The following TAOK1 variants were observed in gnomAD, a reference collection of about 807,000 sequenced individuals.
The protein encoded by TAOK1 is TAO kinase 1.
Under a neutral mutation model 138.3 loss-of-function variants are expected in TAOK1, and 21 were observed. The ratio of observed to expected loss-of-function variants is 0.15; its 90% CI spans 0.11 to 0.22. TAOK1 has a LOEUF of 0.22. Among genes scored for constraint, TAOK1 ranks in the 10% least tolerant of loss-of-function variants. The pLI is 1.00. For missense variants in TAOK1, 651 were observed against 1,227.7 expected (o/e 0.53, Z 7.02); for synonymous variants, 361 against 398.4 (o/e 0.91, Z 1.12).
At chr17:29,409,328 TATATA>T (rs1293581752) in intron 1 of TAOK1, among the ~76,000 whole-genome samples, 852 of 75,096 alleles carry the variant, frequency 0.011, 6 homozygotes, top group African/African-American at 0.027. Flanking sequence ...TATATATATA[TATATA>T]TTTTTTTTTT....
intron 17 of TAOK1, among the ~76,000 whole-genome samples, chr17:29,525,858 A>G (rs974428973): frequency 1.3e-5 from 2 of 152,176 alleles, no homozygotes; most frequent in African/African-American, 4.8e-5. Flanking sequence ...TTACCCAGGC[A>G]TGGTGGCACG....
chr17:29,447,438 C>G (rs1253507246), intron 1 of TAOK1, among the ~76,000 whole-genome samples: 2 of 152,080 alleles, frequency 1.3e-5, no homozygotes, highest in Non-Finnish European at 2.9e-5. Flanking sequence ...TCAAGCAATT[C>G]TCCCACCTCA....
At chr17:29,478,186 T>C in intron 5 of TAOK1, 65 bp from the exon 6 acceptor site, 1 of 1,190,614 alleles carries the variant, frequency 8.4e-7, no homozygotes, top group Non-Finnish European at 1.2e-6. Context: ...TTGCCCCATG[T>C]ATTAGATATG....
At chr17:29,400,376 G>A (rs2153020052) in intron 1 of TAOK1, among the ~76,000 whole-genome samples, 1 of 129,920 alleles carries the variant, frequency 7.7e-6, no homozygotes, top group East Asian at 2.6e-4. Context: ...GGAGACAAGA[G>A]CAAAACTCCG....
chr17:29,460,907 A>G (rs983813840), intron 2 of TAOK1, among the ~76,000 whole-genome samples: 1 of 152,186 alleles, frequency 6.6e-6, no homozygotes, highest in Non-Finnish European at 1.5e-5. Flanking sequence ...TGATAAGATA[A>G]AGGGCGCATG....
At position 29,510,914 on chromosome 17, in the gene TAOK1, C is replaced by T. The variant is rs2153029593; in HGVS notation, c.1626C>T (p.Ala542=). Residue 542 remains alanine (A), a synonymous_variant, in exon 15 of 20, where the codon GCC becomes GCT. Transcript: ENST00000261716. ...AAAAATTTCAGCAACATATTCAGGC[C>T]CAACAGAAGAAAGAACTGAATAGTT... The part of the protein sequence containing the change: ...EEKKFQQHIQ[A]QQKKELNSFL... The T allele has an allele frequency of 6.2e-7, 1 of 1,609,588 alleles. No individual in the cohort carries two copies.
chr17:29,523,367 G>A (rs2031954441), intron 17 of TAOK1, among the ~76,000 whole-genome samples: 1 of 151,930 alleles, frequency 6.6e-6, no homozygotes, highest in African/African-American at 2.4e-5. Flanking sequence ...GTCAACTGCA[G>A]TTAACAATTC....
chr17:29,548,043 G>GAAAAAGAAAGA lies in TAOK1; in HGVS notation c.*5021_*5022insAAAAAGAAAGA, dbSNP rs1364960818. The stretch of plus-strand genomic sequence containing the variant: ...ACACTGTCTAGAAAAAGAAAGTGAA[G>GAAAAAGAAAGA]CTGAGAACTCTTCCTTTATTGTGCA... On this transcript the variant is annotated 3_prime_UTR_variant, in exon 20 of 20. Coordinates refer to ENST00000261716, the MANE Select transcript of TAOK1 (RefSeq NM_020791.4). 2 of 152,240 alleles carry GAAAAAGAAAGA rather than the reference G, an allele frequency of 1.3e-5. No homozygotes were observed. The highest frequency in any genetic ancestry group is 3.9e-4 in the East Asian group (2 of 5,188). The allele number at this position is 152,240 out of a possible 1,614,324, so 9.4% of individuals were successfully genotyped here. A position where few individuals can be genotyped will look rare whatever the true frequency, so the allele number is the denominator to read the frequency against.
intron 8 of TAOK1, among the ~76,000 whole-genome samples, chr17:29,485,539 A>G (rs2153027166): frequency 6.6e-6 from 1 of 152,274 alleles, no homozygotes; most frequent in African/African-American, 2.4e-5. Flanking sequence ...CTCGGGAGGC[A>G]GAGGTGGACG....
chr17:29,510,839 G>C (rs1054043135), intron 14 of TAOK1, 25 bp from the exon 15 acceptor site: 3 of 1,523,102 alleles, frequency 2.0e-6, no homozygotes, highest in Non-Finnish European at 8.8e-7. Flanking sequence ...AACTAAATTT[G>C]ATTCATTTTT....
Position 29,498,332 on chromosome 17 carries a change from T to C in TAOK1, c.1014T>C (p.Gly338=). The C allele has an allele frequency of 6.2e-6, 10 of 1,614,170 alleles. No homozygotes were observed. Among genetic ancestry groups the C allele is most frequent in the Non-Finnish European group, 8.5e-6 (10 of 1,180,010 alleles). Residue 338 remains glycine (G), a synonymous_variant, in exon 12 of 20, where the codon GGT becomes GGC. Coordinates refer to ENST00000261716, the MANE Select transcript of TAOK1 (RefSeq NM_020791.4). ...TTTTCTCTTAGGAACAAGATCATGG[T>C]GTTGGCCGGACAGGAACAGTTAATA... is the stretch of plus-strand genomic sequence containing the variant. ...AQEEEEEQDH[G]VGRTGTVNSV...
chr17:29,510,825 A>G, intron 14 of TAOK1, 39 bp from the exon 15 acceptor site: 4 of 1,474,220 alleles, frequency 2.7e-6, no homozygotes, highest in East Asian at 2.4e-5. Flanking sequence ...TACTTTATCT[A>G]CTTAACTAAA....
At chr17:29,489,785 C>T (rs748530904) in intron 9 of TAOK1, 28 bp downstream of exon 9, 10 of 1,463,354 alleles carry the variant, frequency 6.8e-6, no homozygotes, top group Non-Finnish European at 9.3e-6. Context: ...ATATATTGCT[C>T]AGTGTTGAAT....
chr17:29,414,449 C>T (rs968720498), intron 1 of TAOK1, among the ~76,000 whole-genome samples: 4 of 151,142 alleles, frequency 2.6e-5, no homozygotes, highest in South Asian at 2.1e-4. Flanking sequence ...GGGGTTTCAC[C>T]ATGTTGGCCG....
chr17:29,458,867 T>G (rs1307281475), intron 2 of TAOK1, among the ~76,000 whole-genome samples: 1 of 151,966 alleles, frequency 6.6e-6, no homozygotes, highest in Non-Finnish European at 1.5e-5. Flanking sequence ...GGTAATTTTA[T>G]TTTATTTTTA....
intron 1 of TAOK1, among the ~76,000 whole-genome samples, chr17:29,393,224 G>A (rs1163070666): frequency 6.6e-6 from 1 of 152,138 alleles, no homozygotes; most frequent in Non-Finnish European, 1.5e-5. Flanking sequence ...GTTGATCGAA[G>A]CATACTGCTC....
intron 1 of TAOK1, among the ~76,000 whole-genome samples, chr17:29,447,565 C>T (rs560917928): frequency 1.3e-5 from 2 of 152,158 alleles, no homozygotes; most frequent in Non-Finnish European, 2.9e-5. Context: ...TCTCAAGCTC[C>T]TGACCTCAAG....
chr17:29,512,929 G>C (rs766931324), intron 15 of TAOK1: 1 of 151,752 alleles, frequency 6.6e-6, no homozygotes, highest in Non-Finnish European at 1.5e-5. Flanking sequence ...TGATCTGCTC[G>C]CCTTGGCCTC....
Position 29,543,149 on chromosome 17 carries a change from A to G in TAOK1, c.*127A>G. 1.3e-6 allele frequency: 1 copy of G among 798,606 alleles called. No individual in the cohort carries two copies. The highest frequency in any genetic ancestry group is 1.9e-6 in the Non-Finnish European group (1 of 527,412). The allele number at this position is 798,606 out of a possible 1,614,324, so 49.5% of individuals were successfully genotyped here. Reference sequence around the variant, plus strand: ...AAGCTGAGTGCATATGGTATATTTTATTCATTTTTGTAAAGCGTTCTGTTT... The same window carrying G: ...AAGCTGAGTGCATATGGTATATTTTGTTCATTTTTGTAAAGCGTTCTGTTT... On this transcript the variant is annotated 3_prime_UTR_variant, in exon 20 of 20. Coordinates refer to ENST00000261716, the MANE Select transcript of TAOK1 (RefSeq NM_020791.4).
Sources: gnomAD v4.1 joint callset for allele counts (sites outside exome capture counted in the v4.1 genomes callset) on GRCh38, gnomAD v4.1.1 for gene constraint, MANE v1.5 for transcripts, NCBI Gene and HGNC (gene_info 2026-07-23, HGNC 2026-07-21) for gene names.